Variants in CCDC141 observed in about 807,000 individuals in gnomAD.
CCDC141 encodes coiled-coil domain-containing protein 141.
A neutral mutation model predicts 181.0 loss-of-function variants in CCDC141; 168 were observed. The observed-to-expected ratio is 0.93, with a 90% CI of 0.82 to 1.05. The LOEUF is 1.05. Ranked by LOEUF, CCDC141 falls within the 50% of genes least tolerant of loss-of-function variation. The pLI, the probability that CCDC141 is intolerant of heterozygous loss-of-function variation, is 0.00. For missense variants in CCDC141, 1,902 were observed against 1,788.5 expected, an observed-to-expected ratio of 1.06 and a Z score of -1.14; for synonymous variants, 666 against 642.3, an observed-to-expected ratio of 1.04 and a Z score of -0.56.
At chr2:178,898,092 C>T (rs1428151633) in intron 8 of CCDC141, among the ~76,000 whole-genome samples, 3 of 152,108 alleles carry the variant, frequency 2.0e-5, no homozygotes, top group Non-Finnish European at 4.4e-5. Context: ...AGGCTTGGTT[C>T]TCAATGAGGT....
At chr2:178,845,782 A>T (rs770011128) in intron 21 of CCDC141, 40 bp from the exon 22 acceptor site, 1 of 1,259,692 alleles carries the variant, frequency 7.9e-7, no homozygotes, top group Non-Finnish European at 1.2e-6. Flanking sequence ...GAGCCAGGAA[A>T]GTTGGAGAAC....
the CCDC141 span, among the ~76,000 whole-genome samples, chr2:178,819,512 G>A: frequency 0.18 from 26,850 of 152,102 alleles, 4,469 homozygotes; most frequent in East Asian, 0.71. Context: ...TTTATTTTCT[G>A]AATTGTACTG....
intron 5 of CCDC141, among the ~76,000 whole-genome samples, chr2:178,958,227 T>A (rs920829301): frequency 1.3e-5 from 2 of 152,158 alleles, no homozygotes; most frequent in Admixed American, 6.5e-5. Context: ...TCATTATACA[T>A]TTGTTCAAAC....
At chr2:178,895,734 A>G (rs1487991354) in intron 8 of CCDC141, among the ~76,000 whole-genome samples, 4 of 152,204 alleles carry the variant, frequency 2.6e-5, no homozygotes, top group Non-Finnish European at 4.4e-5. Context: ...CCTAAATTTC[A>G]CTATCTGACA....
chr2:178,964,206 T>C (rs1690521324), intron 4 of CCDC141, among the ~76,000 whole-genome samples: 1 of 151,910 alleles, frequency 6.6e-6, no homozygotes, highest in African/African-American at 2.4e-5. Flanking sequence ...TAGAGGGAAA[T>C]AGTATTTTTC....
At chr2:178,817,384 G>A in the CCDC141 span, 1 of 394,480 alleles carries the variant, frequency 2.5e-6, no homozygotes. Flanking sequence ...GAATTTAGCT[G>A]AAACTACTGT....
intron 17 of CCDC141, among the ~76,000 whole-genome samples, chr2:178,864,661 C>T (rs1411540866): frequency 6.6e-6 from 1 of 152,182 alleles, no homozygotes; most frequent in Non-Finnish European, 1.5e-5. Flanking sequence ...AGCCATGGTC[C>T]ATCCTGCACC....
intron 2 of CCDC141, among the ~76,000 whole-genome samples, chr2:178,999,274 T>C (rs1018355315): frequency 6.6e-6 from 1 of 152,158 alleles, no homozygotes; most frequent in Non-Finnish European, 1.5e-5. Context: ...TTCTCTCCTG[T>C]GCATCTCCTC....
intron 2 of CCDC141, among the ~76,000 whole-genome samples, chr2:179,019,174 T>C (rs1163534156): frequency 2.0e-5 from 3 of 152,158 alleles, no homozygotes; most frequent in Non-Finnish European, 2.9e-5. Flanking sequence ...ACGAAAGTCT[T>C]TTTGGTTCCC....
chr2:178,869,723 C>T (rs1686024148), intron 14 of CCDC141, among the ~76,000 whole-genome samples: 1 of 152,074 alleles, frequency 6.6e-6, no homozygotes, highest in African/African-American at 2.4e-5. Flanking sequence ...AAAAATATAT[C>T]AGGGGAATAA....
At chr2:178,992,945 T>A (rs184304798) in intron 2 of CCDC141, among the ~76,000 whole-genome samples, 195 of 152,280 alleles carry the variant, frequency 1.3e-3, no homozygotes, top group Middle Eastern at 3.4e-3. Flanking sequence ...TGTGTTTGCA[T>A]CCCCTTACGC....
At chr2:178,983,967 C>A (rs1163541313) in intron 2 of CCDC141, among the ~76,000 whole-genome samples, 1 of 150,368 alleles carries the variant, frequency 6.7e-6, no homozygotes, top group Non-Finnish European at 1.5e-5. Context: ...ACAGAGAATG[C>A]CACAAAGATA....
At chr2:179,036,505 C>A (rs1357369653) in intron 2 of CCDC141, among the ~76,000 whole-genome samples, 3 of 152,220 alleles carry the variant, frequency 2.0e-5, no homozygotes, top group Non-Finnish European at 4.4e-5. Flanking sequence ...GACCACTGCA[C>A]TGCTCCCTTC....
intron 6 of CCDC141, among the ~76,000 whole-genome samples, chr2:178,921,688 A>G (rs1366250011): frequency 1.3e-5 from 2 of 152,178 alleles, no homozygotes; most frequent in African/African-American, 2.4e-5. Context: ...GTTTGTAGTC[A>G]TCTCAGGGGA....
intron 5 of CCDC141, among the ~76,000 whole-genome samples, chr2:178,946,162 A>G (rs1277551729): frequency 2.0e-5 from 3 of 152,186 alleles, no homozygotes; most frequent in African/African-American, 7.2e-5. Flanking sequence ...CTGGTAATCT[A>G]TGCACAAAAT....
intron 2 of CCDC141, among the ~76,000 whole-genome samples, chr2:178,982,819 C>G (rs908914181): frequency 2.6e-5 from 4 of 152,312 alleles, no homozygotes; most frequent in African/African-American, 7.2e-5. Flanking sequence ...GGTCCTACCC[C>G]ACAGAGTCTC....
intron 8 of CCDC141, among the ~76,000 whole-genome samples, chr2:178,892,261 C>A (rs1052440245): frequency 8.5e-5 from 13 of 152,166 alleles, no homozygotes; most frequent in South Asian, 2.1e-4. Flanking sequence ...GAGGGACAGA[C>A]TGAACTGCCT....
rs1245489949 is a variant in CCDC141, at chr2:178,869,145, A to G, written c.2366T>C (p.Val789Ala). 6.8e-6 allele frequency: 11 copies of G among 1,610,480 alleles called. No homozygotes were observed. Among genetic ancestry groups the G allele is most frequent in the Non-Finnish European group, 8.5e-6 (10 of 1,178,828 alleles). Residue 789 changes from valine to alanine, a missense_variant, in exon 15 of 24, where the codon GTG (valine) becomes GCG (alanine). Coordinates refer to ENST00000443758, the MANE Select transcript of CCDC141 (RefSeq NM_173648.4). ...TTCCTTGACTTGATGGAACTGGACC[A>G]CCTTGTACAGGATATCCTCGTAATC... Reference protein sequence around the residue: ...IQDYEDILYKVVQFHQVKEEL... With the variant: ...IQDYEDILYKAVQFHQVKEEL...
intron 2 of CCDC141, among the ~76,000 whole-genome samples, chr2:179,019,022 G>A (rs1352405058): frequency 6.6e-6 from 1 of 151,988 alleles, no homozygotes; most frequent in Non-Finnish European, 1.5e-5. Context: ...CCAGACCATG[G>A]CCCTCTTCTT....
Sources: allele counts gnomAD v4.1 joint callset (sites outside exome capture counted in the v4.1 genomes callset), GRCh38; gene constraint gnomAD v4.1.1; transcripts MANE v1.5; gene names NCBI Gene and HGNC (gene_info 2026-07-23, HGNC 2026-07-21).